Variants in ZNF10 observed in about 807,000 individuals in gnomAD.
The protein encoded by ZNF10 is zinc finger protein 10.
Under a neutral mutation model 12.2 loss-of-function variants are expected in ZNF10, and 8 were observed. That is an observed-to-expected ratio of 0.66 (90% CI 0.39 to 1.18). The LOEUF is 1.18. ZNF10 is among the 50% of genes most tolerant of loss of function. ZNF10 has a pLI of 0.01. For synonymous variants in ZNF10, 229 were observed against 228.2 expected, an observed-to-expected ratio of 1.00 and a Z score of -0.03; for missense variants, 603 against 678.9, an observed-to-expected ratio of 0.89 and a Z score of 1.24.
rs1471880351 is a variant in ZNF10 at position 133,156,206 on chromosome 12, C to T, written c.960C>T (p.Pro320=). The T allele has an allele frequency of 6.2e-7, 1 of 1,613,936 alleles. No individual in the cohort carries two copies. Among genetic ancestry groups the T allele is most frequent in the Admixed American group, 1.7e-5 (1 of 60,000 alleles). ...AAAAGACCCATACTGGTGAGGAACC[C>T]TATGAATGTAAAGAATGTGGAAAAT... The part of the protein sequence containing the change: ...GHQKTHTGEE[P]YECKECGKSF... The change falls in exon 5 of 5, where the codon CCC becomes CCT. Residue 320 remains proline (P), a synonymous_variant. Transcript: ENST00000248211.
chr12:133,145,801 TC>T (rs1555299435), intron 2 of ZNF10, among the ~76,000 whole-genome samples: 1 of 49,442 alleles, frequency 2.0e-5, no homozygotes, highest in Non-Finnish European at 4.0e-5. Flanking sequence ...CAAAACTCTG[TC>T]CCACCCCCCC....
intron 4 of ZNF10, among the ~76,000 whole-genome samples, chr12:133,153,267 A>G (rs1039927955): frequency 3.3e-5 from 5 of 152,186 alleles, no homozygotes; most frequent in Non-Finnish European, 7.3e-5. Flanking sequence ...ATCAAATCAA[A>G]AAATATAATG....
intron 1 of ZNF10, chr12:133,143,371 TATATA>T (rs1184302568): frequency 6.6e-6 from 1 of 151,960 alleles, no homozygotes; most frequent in Non-Finnish European, 1.5e-5. Flanking sequence ...TTTAAAAAAT[TATATA>T]ATATACCAAA....
rs1476005028 is a variant in ZNF10 at position 133,145,827 on chromosome 12, A to G, written c.33+1302A>G. Reference sequence around the variant, plus strand: ...CCCACCCCCCCACCCCCACAAAAAGAAAAAAACAAAAAAAACACAAAATTT... The same window carrying G: ...CCCACCCCCCCACCCCCACAAAAAGGAAAAAACAAAAAAAACACAAAATTT... On this transcript the variant is annotated intron_variant, in intron 2 of 4. Transcript: ENST00000248211. Among the ~76,000 whole-genome samples, 3 of 128,062 alleles carry G rather than the reference A, an allele frequency of 2.3e-5. No homozygotes were observed. The East Asian group carries it at 8.0e-4, about 34-fold the overall frequency. The allele number at this position is 128,062 out of a possible 152,430, so 84.0% of individuals were successfully genotyped here.
At chr12:133,151,647 T>C (rs1956008111) in intron 3 of ZNF10, among the ~76,000 whole-genome samples, 162 bp from the exon 4 acceptor site, 1 of 151,968 alleles carries the variant, frequency 6.6e-6, no homozygotes, top group Admixed American at 6.6e-5. Flanking sequence ...CATCTCAAAA[T>C]AAATAAATAA....
intron 2 of ZNF10, among the ~76,000 whole-genome samples, chr12:133,146,714 C>T (rs1051264156): frequency 8.6e-5 from 13 of 151,936 alleles, no homozygotes; most frequent in Admixed American, 1.3e-4. Context: ...GGCACAGTGG[C>T]GGGCGCCTAT....
In ZNF10 at chr12:133,156,481, A is replaced by C. The variant is rs755309447; in HGVS notation, c.1235A>C (p.Lys412Thr). The change falls in exon 5 of 5, where the codon AAG becomes ACG. Residue 412 changes from lysine to threonine, a missense_variant. Lys to Thr is a moderately conservative substitution (Grantham distance 78). Coordinates refer to ENST00000248211, the MANE Select transcript of ZNF10 (RefSeq NM_015394.5). The stretch of plus-strand genomic sequence containing the variant: ...CCCTATGAATGCAATGAATGTGGAA[A>C]GTCTTACAGCCAGAGATCTCACCTT... ...VRPYECNECG[K>T]SYSQRSHLVV... is the part of the protein sequence containing the mutation. 1 of 1,613,964 alleles carries C rather than the reference A, an allele frequency of 6.2e-7. No homozygotes were observed. The highest frequency in any genetic ancestry group is 1.3e-5 in the African/African-American group (1 of 75,044).
At position 133,151,870 on chromosome 12, in the gene ZNF10, G is replaced by C. The variant is rs1956010230; in HGVS notation, c.222G>C (p.Leu74=). The C allele has an allele frequency of 4.2e-5, 68 of 1,613,410 alleles. No individual in the cohort carries two copies. The highest frequency in any genetic ancestry group is 5.6e-5 in the Non-Finnish European group (66 of 1,179,620). Residue 74 remains leucine (L), a synonymous_variant, in exon 4 of 5, where the codon CTG becomes CTC. Transcript: ENST00000248211. ...TGGAGAAGGGAGAAGAGCCCTGGCT[G>C]GTGGAGAGAGAAATTCACCAAGAGA... ...LRLEKGEEPW[L]VEREIHQETH...
At chr12:133,150,878 T>C in intron 2 of ZNF10, 150 bp from the exon 3 acceptor site, 1 of 861,204 alleles carries the variant, frequency 1.2e-6, no homozygotes, top group Non-Finnish European at 1.7e-6. Context: ...TTGACTAGAA[T>C]AAATACTACT....
intron 1 of ZNF10, chr12:133,143,752 G>C (rs1955959502): frequency 6.6e-6 from 1 of 152,240 alleles, no homozygotes; most frequent in Non-Finnish European, 1.5e-5. Context: ...TATCAGCTCT[G>C]TTGGTCAGAA....
chr12:133,142,352 G>A (rs2135459925), intron 1 of ZNF10, among the ~76,000 whole-genome samples: 1 of 140,666 alleles, frequency 7.1e-6, no homozygotes, highest in South Asian at 2.2e-4. Flanking sequence ...GGAGGTTGCA[G>A]TGAACTGAGA....
chr12:133,133,027 G>A (rs1230139823), intron 1 of ZNF10, among the ~76,000 whole-genome samples: 1 of 151,946 alleles, frequency 6.6e-6, no homozygotes, highest in Non-Finnish European at 1.5e-5. Context: ...TTCAGAATAC[G>A]TATGTATTAT....
At chr12:133,148,056 A>G (rs913329885) in intron 2 of ZNF10, among the ~76,000 whole-genome samples, 1 of 152,024 alleles carries the variant, frequency 6.6e-6, no homozygotes, top group Admixed American at 6.5e-5. Flanking sequence ...TCTCTTAGCA[A>G]TGTCTTTTGA....
intron 2 of ZNF10, among the ~76,000 whole-genome samples, chr12:133,147,874 G>A (rs1333276354): frequency 6.6e-6 from 1 of 151,298 alleles, no homozygotes; most frequent in Non-Finnish European, 1.5e-5. Context: ...GCAATCCTGA[G>A]GCATTCCCGA....
intron 1 of ZNF10, chr12:133,131,019 G>A (rs1955871640): frequency 1.3e-5 from 2 of 152,318 alleles, no homozygotes; most frequent in Non-Finnish European, 2.9e-5. Flanking sequence ...GTGGTGGTAA[G>A]TTTGAACCAG....
chr12:133,143,677 C>T (rs535106792), intron 1 of ZNF10: 27 of 152,226 alleles, frequency 1.8e-4, no homozygotes, highest in African/African-American at 6.0e-4. Context: ...ATGTAATTGG[C>T]TATATTAGTT....
rs1308718048 is a variant in ZNF10, at chr12:133,159,236, A to G, written c.*2268A>G. 1 of 152,252 alleles carries G rather than the reference A, an allele frequency of 6.6e-6. No individual in the cohort carries two copies. The highest frequency in any genetic ancestry group is 2.4e-5 in the African/African-American group (1 of 41,460). 9.4% of individuals were successfully genotyped at this position (152,252 alleles called of 1,614,324 possible). On this transcript the variant is annotated 3_prime_UTR_variant, in exon 5 of 5. Transcript: ENST00000248211. ...GACAGAAATATGTATGAGGATGATCACTGAAATATTTATGACAGTGCATAA... is the reference window on the plus strand; with the variant it reads ...GACAGAAATATGTATGAGGATGATCGCTGAAATATTTATGACAGTGCATAA...
chr12:133,133,405 G>A (rs1955891813), intron 1 of ZNF10, among the ~76,000 whole-genome samples: 1 of 152,226 alleles, frequency 6.6e-6, no homozygotes, highest in South Asian at 2.1e-4. Context: ...ACATGTCAGA[G>A]TGAATGAATA....
At chr12:133,148,093 GA>G (rs1385455834) in intron 2 of ZNF10, among the ~76,000 whole-genome samples, 19 of 152,014 alleles carry the variant, frequency 1.2e-4, no homozygotes. Context: ...TAGTTTTGGT[GA>G]AGCTCACTTT....
Sources: gnomAD v4.1 joint callset for allele counts (sites outside exome capture counted in the v4.1 genomes callset) on GRCh38, gnomAD v4.1.1 for gene constraint, MANE v1.5 for transcripts, NCBI Gene and HGNC (gene_info 2026-07-23, HGNC 2026-07-21) for gene names.